Variants in OR4A15 observed in about 807,000 individuals in gnomAD.
The protein encoded by OR4A15 is olfactory receptor 4A15.
For missense variants in OR4A15, 657 were observed against 374.7 expected, an observed-to-expected ratio of 1.75 and a Z score of -6.22; for synonymous variants, 240 against 135.6, an observed-to-expected ratio of 1.77 and a Z score of -5.35.
chr11:55,368,756 T>C, exon 1 of OR4A15: 1 of 1,613,806 alleles, frequency 6.2e-7, no homozygotes, highest in Non-Finnish European at 8.5e-7. Flanking sequence ...GGCCCAATTC[T>C]ACTTTTCCCA....
At position 55,368,037 on chromosome 11, in the gene OR4A15, C is replaced by A. The variant is rs375306518; in HGVS notation, c.64C>A (p.Gln22Lys). ...AGGGCTCACACAGAACCCTGAGGGGCAAAAGGTTTTATTTGTCACATTCTT... is the reference window on the plus strand; with the variant it reads ...AGGGCTCACACAGAACCCTGAGGGGAAAAAGGTTTTATTTGTCACATTCTT... Residue 22 changes from glutamine to lysine, a missense_variant, in exon 1 of 1, where the codon CAA becomes AAA. Transcript: ENST00000641526. The A allele has an allele frequency of 1.4e-5, 22 of 1,613,420 alleles. No homozygotes were observed. The highest frequency in any genetic ancestry group is 1.7e-5 in the Non-Finnish European group (20 of 1,179,832).
At chr11:55,368,787 G>T (rs1853894913) in exon 1 of OR4A15, 6 of 1,613,626 alleles carry the variant, frequency 3.7e-6, no homozygotes, top group Non-Finnish European at 5.1e-6. Context: ...CATGACTGTA[G>T]TTCTAACTTT....
chr11:55,368,067 A>T (rs1336250094), exon 1 of OR4A15: 2 of 1,613,416 alleles, frequency 1.2e-6, no homozygotes, highest in Non-Finnish European at 1.7e-6. Flanking sequence ...ATTCTTACTA[A>T]TCTACATGGT....
exon 1 of OR4A15, chr11:55,368,548 T>C: frequency 1.2e-6 from 2 of 1,613,320 alleles, no homozygotes; most frequent in Admixed American, 1.7e-5. Context: ...AATACCTATG[T>C]CACTGGGCTT....
exon 1 of OR4A15, chr11:55,368,915 A>T: frequency 6.3e-7 from 1 of 1,576,890 alleles, no homozygotes; most frequent in Non-Finnish European, 8.6e-7. Flanking sequence ...TGTATCACTC[A>T]TGAGAATGTG....
chr11:55,368,798 T>C, exon 1 of OR4A15: 2 of 1,613,684 alleles, frequency 1.2e-6, no homozygotes, highest in Admixed American at 1.7e-5. Flanking sequence ...TTCTAACTTT[T>C]ATAACTCCCA....
rs200010340 is a variant in OR4A15 at position 55,368,363 on chromosome 11, A to G, written c.390A>G (p.Glu130=). Residue 130 remains glutamate (E), a synonymous_variant, in exon 1 of 1, where the codon GAA becomes GAG. Transcript: ENST00000641526. ...TGGCCATCTGTAAGCCTCTTCATGAATTGATCACCATGAATCGTCGAGTCT... is the reference window on the plus strand; with the variant it reads ...TGGCCATCTGTAAGCCTCTTCATGAGTTGATCACCATGAATCGTCGAGTCT... The G allele has an allele frequency of 5.6e-6, 9 of 1,612,862 alleles. No homozygotes were observed. The African/African-American group carries it at 1.1e-4, about 19-fold the overall frequency.
At chr11:55,368,564 G>C (rs1266230805) in exon 1 of OR4A15, 4 of 1,613,496 alleles carry the variant, frequency 2.5e-6, no homozygotes, top group Non-Finnish European at 3.4e-6. Context: ...GGCTTTCTAT[G>C]ATAGCTAATG....
Position 55,368,621 on chromosome 11 carries a change from TG to T in OR4A15, c.652del (p.Val218SerfsTer52), listed in dbSNP as rs766154047. ...CCTTCTTCACTATCCTGCTTTCCTA[TG>T]GGGTCATATTACACTCTCTTAAGAC... On this transcript the variant is annotated frameshift_variant, in exon 1 of 1. Transcript: ENST00000641526. LOFTEE classifies it low-confidence loss of function (END_TRUNC). The T allele has an allele frequency of 6.2e-7, 1 of 1,613,752 alleles. No individual in the cohort carries two copies. Among genetic ancestry groups the T allele is most frequent in the East Asian group, 2.2e-5 (1 of 44,758 alleles).
rs117954374 is a variant in OR4A15 at position 55,368,649 on chromosome 11, C to G, written c.676C>G (p.Gln226Glu). Residue 226 changes from glutamine (Q) to glutamate (E), a missense_variant, in exon 1 of 1, where the codon CAG (glutamine) becomes GAG (glutamate). Coordinates refer to ENST00000641526, the Ensembl canonical transcript of OR4A15. ...GGTCATATTACACTCTCTTAAGACTCAGAGTTTGGAAGGGAAACGAAAAGC... is the reference window on the plus strand; with the variant it reads ...GGTCATATTACACTCTCTTAAGACTGAGAGTTTGGAAGGGAAACGAAAAGC... 1.9e-6 allele frequency: 3 copies of G among 1,613,614 alleles called. No individual in the cohort carries two copies. The Admixed American group carries it at 5.0e-5, about 27-fold the overall frequency.
At chr11:55,368,317 T>C in exon 1 of OR4A15, 1 of 1,613,580 alleles carries the variant, frequency 6.2e-7, no homozygotes. Flanking sequence ...CTTCTGGTGG[T>C]AATGGCCTAT....
exon 1 of OR4A15, chr11:55,368,717 C>T (rs756670031): frequency 6.2e-7 from 1 of 1,613,630 alleles, no homozygotes; most frequent in Admixed American, 1.7e-5. Flanking sequence ...TCATTTTATT[C>T]TTTGTCCCCT....
At position 55,368,380 on chromosome 11, in the gene OR4A15, G is replaced by A. The variant is rs138616202; in HGVS notation, c.407G>A (p.Arg136His). ...CTTCATGAATTGATCACCATGAATCGTCGAGTCTGTGTTCTTATGCTGTTG... is the reference window on the plus strand; with the variant it reads ...CTTCATGAATTGATCACCATGAATCATCGAGTCTGTGTTCTTATGCTGTTG... Residue 136 changes from arginine (R) to histidine (H), a missense_variant, in exon 1 of 1, where the codon CGT (arginine) becomes CAT (histidine). Transcript: ENST00000641526. The A allele has an allele frequency of 3.1e-5, 50 of 1,613,370 alleles. No homozygotes were observed. Among genetic ancestry groups the A allele is most frequent in the Admixed American group, 2.8e-4 (17 of 59,956 alleles).
At chr11:55,368,710 T>A in exon 1 of OR4A15, 1 of 1,613,676 alleles carries the variant, frequency 6.2e-7, no homozygotes, top group South Asian at 1.1e-5. Flanking sequence ...ACTGTGGTCA[T>A]TTTATTCTTT....
exon 1 of OR4A15, chr11:55,368,516 C>T: frequency 6.2e-7 from 1 of 1,613,080 alleles, no homozygotes; most frequent in Non-Finnish European, 8.5e-7. Context: ...ATTTGTATCC[C>T]TTATTGAAAC....
At chr11:55,368,225 C>G (rs771337302) in exon 1 of OR4A15, 8 of 1,613,744 alleles carry the variant, frequency 5.0e-6, no homozygotes, top group Admixed American at 1.7e-5. Flanking sequence ...TTGACTTGCT[C>G]TCTGAGAAAA....
chr11:55,368,573 T>C (rs746857549), exon 1 of OR4A15: 27 of 1,613,534 alleles, frequency 1.7e-5, no homozygotes, highest in African/African-American at 4.0e-5. Flanking sequence ...TGATAGCTAA[T>C]GGAGGAGCGA....
exon 1 of OR4A15, chr11:55,368,110 C>T: frequency 6.2e-7 from 1 of 1,612,924 alleles, no homozygotes; most frequent in Non-Finnish European, 8.5e-7. Context: ...ATCATAGTGA[C>T]CATCATGGCC....
chr11:55,368,103 A>G (rs373259869), exon 1 of OR4A15: 10 of 1,612,960 alleles, frequency 6.2e-6, no homozygotes, highest in East Asian at 2.2e-5. Context: ...CCTGCTTATC[A>G]TAGTGACCAT....
Sources: allele counts gnomAD v4.1 joint callset, GRCh38; gene constraint gnomAD v4.1.1; transcripts MANE v1.5; gene names NCBI Gene and HGNC (gene_info 2026-07-23, HGNC 2026-07-21).